Variants in KCNG3 observed in about 807,000 individuals in gnomAD.
KCNG3 encodes the protein voltage-gated potassium channel regulatory subunit KCNG3.
KCNG3 carries 15 observed loss-of-function variants against 29.0 expected under a neutral mutation model. That is an observed-to-expected ratio of 0.52 (90% CI 0.35 to 0.80). The LOEUF is 0.80. Ranked by LOEUF, KCNG3 falls within the 30% of genes least tolerant of loss-of-function variation. KCNG3 has a pLI of 0.01. For missense variants in KCNG3, 512 were observed against 605.7 expected (o/e 0.85, Z 1.62); for synonymous variants, 322 against 248.9 (o/e 1.29, Z -2.76).
chr2:42,481,330 G>A (rs1572863385), intron 1 of KCNG3, among the ~76,000 whole-genome samples: 1 of 152,118 alleles, frequency 6.6e-6, no homozygotes, highest in Non-Finnish European at 1.5e-5. Context: ...ACCTTTAGCT[G>A]CCTGAACCCA....
chr2:42,399,857 A>G, the KCNG3 span, among the ~76,000 whole-genome samples: 3 of 152,148 alleles, frequency 2.0e-5, no homozygotes, highest in African/African-American at 7.2e-5. Flanking sequence ...GGGGGTCACC[A>G]TGGACCAGGG....
the KCNG3 span, among the ~76,000 whole-genome samples, chr2:42,390,152 T>C: frequency 1.3e-5 from 2 of 152,180 alleles, no homozygotes; most frequent in Non-Finnish European, 2.9e-5. Context: ...GCACCAAAAT[T>C]GGATTTTGCT....
At chr2:42,428,663 A>G in the KCNG3 span, among the ~76,000 whole-genome samples, 8 of 152,176 alleles carry the variant, frequency 5.3e-5, no homozygotes, top group Middle Eastern at 3.4e-3. Flanking sequence ...AAAAGAAGGG[A>G]AAAAAGGGGG....
the KCNG3 span, among the ~76,000 whole-genome samples, chr2:42,407,459 A>G: frequency 6.6e-6 from 1 of 152,206 alleles, no homozygotes; most frequent in East Asian, 1.9e-4. Flanking sequence ...GGATGCTGCC[A>G]TCACACTGGC....
At chr2:42,438,131 T>C (rs1424299645), downstream of KCNG3, among the ~76,000 whole-genome samples, 3 of 152,128 alleles carry the variant, frequency 2.0e-5, no homozygotes, top group Admixed American at 6.6e-5. Flanking sequence ...GGTTGTAATA[T>C]GCAGTTGAAA....
At chr2:42,453,794 C>T (rs1167077176) in intron 1 of KCNG3, among the ~76,000 whole-genome samples, 2 of 152,066 alleles carry the variant, frequency 1.3e-5, no homozygotes, top group Non-Finnish European at 2.9e-5. Context: ...ACTTGAATGT[C>T]CTGGAGATTT....
chr2:42,440,927 G>C (rs189070261), downstream of KCNG3, among the ~76,000 whole-genome samples: 33 of 152,282 alleles, frequency 2.2e-4, no homozygotes, highest in Admixed American at 9.2e-4. Flanking sequence ...TAGGAGATTA[G>C]GGCTTTTTTC....
intron 1 of KCNG3, among the ~76,000 whole-genome samples, chr2:42,452,158 A>G (rs912835073): frequency 1.3e-5 from 2 of 149,752 alleles, no homozygotes; most frequent in Non-Finnish European, 3.0e-5. Context: ...TATGGGTTAC[A>G]TAAGATATTT....
Position 42,493,556 on chromosome 2 carries a change from C to A in KCNG3, c.-55G>T. 1 of 1,283,624 alleles carries A rather than the reference C, an allele frequency of 7.8e-7. No homozygotes were observed. Among genetic ancestry groups the A allele is most frequent in the South Asian group, 2.8e-5 (1 of 35,812 alleles). 79.5% of individuals were successfully genotyped at this position (1,283,624 alleles called of 1,614,324 possible). A position where few individuals can be genotyped will look rare whatever the true frequency, so the allele number is the denominator to read the frequency against. ...AGGGCCCCGCTGCAGCCCCCCACCC[C>A]AAGCCGCCACGCGGGGCCTGCCTGC... On this transcript the variant is annotated 5_prime_UTR_variant, in exon 1 of 2. Coordinates refer to ENST00000306078, the MANE Select transcript of KCNG3 (RefSeq NM_133329.6).
At chr2:42,461,605 A>C (rs1303003591) in intron 1 of KCNG3, among the ~76,000 whole-genome samples, 2 of 152,126 alleles carry the variant, frequency 1.3e-5, no homozygotes, top group Non-Finnish European at 2.9e-5. Context: ...CCCCGGCCCC[A>C]CACTCTCCAC....
chr2:42,432,854 T>C, the KCNG3 span, among the ~76,000 whole-genome samples: 35 of 151,910 alleles, frequency 2.3e-4, no homozygotes, highest in African/African-American at 8.2e-4. Context: ...ATGTATTTCC[T>C]GATATAGACA....
chr2:42,474,696 G>T (rs1188740741), intron 1 of KCNG3, among the ~76,000 whole-genome samples: 3 of 151,766 alleles, frequency 2.0e-5, no homozygotes, highest in Non-Finnish European at 2.9e-5. Context: ...ATTTTGCCCT[G>T]ATATATTTTT....
At chr2:42,462,255 G>T (rs1673037983) in intron 1 of KCNG3, among the ~76,000 whole-genome samples, 1 of 152,176 alleles carries the variant, frequency 6.6e-6, no homozygotes, top group African/African-American at 2.4e-5. Flanking sequence ...AACAAGAGAA[G>T]GAATTCAGTC....
At chr2:42,438,073 T>TA (rs1256572948), downstream of KCNG3, among the ~76,000 whole-genome samples, 1 of 152,048 alleles carries the variant, frequency 6.6e-6, no homozygotes, top group African/African-American at 2.4e-5. Context: ...TTGCCCTCTA[T>TA]ATTGTAGAGA....
At chr2:42,392,843 T>C in the KCNG3 span, among the ~76,000 whole-genome samples, 6 of 152,070 alleles carry the variant, frequency 3.9e-5, 1 homozygote, top group African/African-American at 1.4e-4. Flanking sequence ...AGAACTCAGA[T>C]ACAACAACGT....
the KCNG3 span, among the ~76,000 whole-genome samples, chr2:42,434,237 A>G: frequency 1.3e-5 from 2 of 152,210 alleles, no homozygotes; most frequent in South Asian, 4.2e-4. Flanking sequence ...GGATTGCTTG[A>G]GCCCAGGAGT....
At chr2:42,473,926 T>G (rs1673357028) in intron 1 of KCNG3, among the ~76,000 whole-genome samples, 1 of 151,846 alleles carries the variant, frequency 6.6e-6, no homozygotes, top group South Asian at 2.1e-4. Flanking sequence ...CAGAGGCAGC[T>G]GGATCACTTG....
At chr2:42,474,302 C>T (rs368682686) in intron 1 of KCNG3, among the ~76,000 whole-genome samples, 7 of 150,674 alleles carry the variant, frequency 4.6e-5, no homozygotes, top group African/African-American at 2.4e-5. Flanking sequence ...CCAAGGTGGG[C>T]GGATCACCTG....
the KCNG3 span, among the ~76,000 whole-genome samples, chr2:42,406,048 T>C: frequency 1.3e-5 from 2 of 151,888 alleles, no homozygotes; most frequent in East Asian, 3.9e-4. Flanking sequence ...CAGCCCATTC[T>C]CTAGACTTAA....
Sources: allele counts gnomAD v4.1 joint callset (sites outside exome capture counted in the v4.1 genomes callset), GRCh38; gene constraint gnomAD v4.1.1; transcripts MANE v1.5; gene names NCBI Gene and HGNC (gene_info 2026-07-23, HGNC 2026-07-21).